The following BCKDHB variants were observed in gnomAD, a reference collection of about 807,000 sequenced individuals.
BCKDHB encodes the protein branched chain keto acid dehydrogenase E1 subunit beta.
Under a neutral mutation model 48.5 loss-of-function variants are expected in BCKDHB, and 41 were observed. The observed-to-expected ratio is 0.85, with a 90% CI of 0.66 to 1.10. The LOEUF (loss-of-function observed/expected upper bound fraction) is 1.10. Among genes scored for constraint, BCKDHB ranks in the 50% least tolerant of loss-of-function variants. BCKDHB has a pLI of 0.00. For synonymous variants in BCKDHB, 201 were observed against 174.8 expected, an observed-to-expected ratio of 1.15 and a Z score of -1.18; for missense variants, 496 against 494.2, an observed-to-expected ratio of 1.00 and a Z score of -0.03.
chr6:80,275,519 CAG>C (rs1777931075), intron 9 of BCKDHB, among the ~76,000 whole-genome samples: 1 of 151,908 alleles, frequency 6.6e-6, no homozygotes, highest in African/African-American at 2.4e-5. Flanking sequence ...GAAAGGTACA[CAG>C]TGTTTTTGCT....
chr6:80,200,480 A>G (rs1774338510), intron 6 of BCKDHB, among the ~76,000 whole-genome samples: 1 of 152,356 alleles, frequency 6.6e-6, no homozygotes, highest in Admixed American at 6.5e-5. Context: ...AGTTTAATAA[A>G]GTTTTATCAC....
At chr6:80,409,669 A>T in the BCKDHB span, among the ~76,000 whole-genome samples, 2 of 128,902 alleles carry the variant, frequency 1.6e-5, no homozygotes, top group Middle Eastern at 9.6e-3. Context: ...TTCCTTTACC[A>T]TTATGTAATG....
chr6:80,347,585 T>G (rs1382397982), downstream of BCKDHB, among the ~76,000 whole-genome samples: 2 of 152,218 alleles, frequency 1.3e-5, no homozygotes, highest in East Asian at 3.8e-4. Context: ...TTCTATTCAT[T>G]TGGTATTTTA....
chr6:80,393,596 T>C, the BCKDHB span, among the ~76,000 whole-genome samples: 1 of 152,226 alleles, frequency 6.6e-6, no homozygotes, highest in Non-Finnish European at 1.5e-5. Flanking sequence ...CAGTTGTTTA[T>C]AAGTTATCCA....
At chr6:80,408,793 T>A in the BCKDHB span, among the ~76,000 whole-genome samples, 1 of 25,494 alleles carries the variant, frequency 3.9e-5, no homozygotes. Context: ...TTTGTTGATC[T>A]TTTTTTTTTC....
the BCKDHB span, among the ~76,000 whole-genome samples, chr6:80,402,202 C>A: frequency 6.6e-6 from 1 of 151,692 alleles, no homozygotes; most frequent in Non-Finnish European, 1.5e-5. Flanking sequence ...TACTTTTTTG[C>A]ATGATGCTTA....
chr6:80,207,650 A>G (rs995791776), intron 8 of BCKDHB, among the ~76,000 whole-genome samples: 1 of 151,770 alleles, frequency 6.6e-6, no homozygotes. Flanking sequence ...CTTTAAATAT[A>G]AGGACATCAA....
the BCKDHB span, among the ~76,000 whole-genome samples, chr6:80,444,343 G>C: frequency 2.0e-5 from 3 of 152,062 alleles, no homozygotes; most frequent in East Asian, 1.9e-4. Context: ...GAAATAGAAA[G>C]ATAAAAATGA....
At chr6:80,257,010 A>G (rs1177019489) in intron 8 of BCKDHB, among the ~76,000 whole-genome samples, 2 of 152,242 alleles carry the variant, frequency 1.3e-5, no homozygotes, top group African/African-American at 2.4e-5. Context: ...TTAGTTACAC[A>G]TACCATATCC....
chr6:80,369,701 C>T, the BCKDHB span, among the ~76,000 whole-genome samples: 1 of 152,154 alleles, frequency 6.6e-6, no homozygotes, highest in South Asian at 2.1e-4. Context: ...AAATAATGTG[C>T]TGCTTGTATT....
At chr6:80,329,989 A>T (rs1769239022) in intron 9 of BCKDHB, among the ~76,000 whole-genome samples, 1 of 152,200 alleles carries the variant, frequency 6.6e-6, no homozygotes, top group Non-Finnish European at 1.5e-5. Flanking sequence ...ATCAGTACCA[A>T]CATCCTAAAG....
the BCKDHB span, among the ~76,000 whole-genome samples, chr6:80,360,780 C>T: frequency 4.1e-4 from 63 of 151,904 alleles, no homozygotes; most frequent in African/African-American, 1.4e-3. Context: ...CTGCGGTGGG[C>T]GACTCACTTG....
chr6:80,368,530 C>T, the BCKDHB span, among the ~76,000 whole-genome samples: 5 of 152,182 alleles, frequency 3.3e-5, no homozygotes, highest in Non-Finnish European at 7.3e-5. Context: ...GTTTAGCCAT[C>T]CACTTCTACC....
At chr6:80,310,964 ATTTG>A (rs1768122864) in intron 9 of BCKDHB, among the ~76,000 whole-genome samples, 1 of 151,932 alleles carries the variant, frequency 6.6e-6, no homozygotes, top group South Asian at 2.1e-4. Context: ...TTTCTTGTAA[ATTTG>A]TTTAAGTTCC....
the BCKDHB span, among the ~76,000 whole-genome samples, chr6:80,452,431 A>G: frequency 5.3e-5 from 8 of 152,208 alleles, no homozygotes; most frequent in Non-Finnish European, 1.0e-4. Context: ...TGCAAACATA[A>G]TATCTAAACA....
At chr6:80,265,147 A>G (rs1777460640) in intron 8 of BCKDHB, among the ~76,000 whole-genome samples, 1 of 152,050 alleles carries the variant, frequency 6.6e-6, no homozygotes, top group East Asian at 1.9e-4. Flanking sequence ...AATTACTATG[A>G]CTATTTCTGA....
chr6:80,297,024 GA>G (rs1767292266), intron 9 of BCKDHB, among the ~76,000 whole-genome samples: 1 of 152,136 alleles, frequency 6.6e-6, no homozygotes, highest in Admixed American at 6.5e-5. Flanking sequence ...TACTTTTGAT[GA>G]AAACCTTGGT....
chr6:80,432,299 C>T, the BCKDHB span, among the ~76,000 whole-genome samples: 1 of 152,104 alleles, frequency 6.6e-6, no homozygotes, highest in Non-Finnish European at 1.5e-5. Flanking sequence ...ACATTCTGCC[C>T]ATCAATTTCA....
chr6:80,195,496 A>G (rs1023955679), intron 6 of BCKDHB, among the ~76,000 whole-genome samples: 4 of 152,204 alleles, frequency 2.6e-5, no homozygotes, highest in African/African-American at 9.6e-5. Context: ...GTTGTAATAT[A>G]GAAATCCAAT....
Sources: gnomAD v4.1 joint callset for allele counts (sites outside exome capture counted in the v4.1 genomes callset) on GRCh38, gnomAD v4.1.1 for gene constraint, MANE v1.5 for transcripts, NCBI Gene and HGNC (gene_info 2026-07-23, HGNC 2026-07-21) for gene names.